The following PCDH15 variants were observed in gnomAD, a reference collection of about 807,000 sequenced individuals.
PCDH15 encodes the protein protocadherin related 15.
Under a neutral mutation model 178.5 loss-of-function variants are expected in PCDH15, and 129 were observed. The observed-to-expected ratio is 0.72, with a 90% CI of 0.63 to 0.84. The LOEUF (loss-of-function observed/expected upper bound fraction) is 0.84. Ranked by LOEUF, PCDH15 falls within the 40% of genes least tolerant of loss-of-function variation. The pLI is 0.00. For synonymous variants in PCDH15, 800 were observed against 732.0 expected, an observed-to-expected ratio of 1.09 and a Z score of -1.50; for missense variants, 2,230 against 2,099.9, an observed-to-expected ratio of 1.06 and a Z score of -1.21.
At chr10:53,998,152 T>C (rs944523381) in intron 20 of PCDH15, among the ~76,000 whole-genome samples, 5 of 152,182 alleles carry the variant, frequency 3.3e-5, no homozygotes, top group African/African-American at 1.2e-4. Context: ...ATTATTCCAC[T>C]AGAGGGTAGT....
At chr10:55,298,432 T>G (rs1843190227) in intron 1 of PCDH15, among the ~76,000 whole-genome samples, 1 of 152,148 alleles carries the variant, frequency 6.6e-6, no homozygotes, top group South Asian at 2.1e-4. Context: ...ATTTCACAGA[T>G]TCTGAGCATG....
chr10:54,636,274 T>C (rs2093850888), intron 2 of PCDH15, among the ~76,000 whole-genome samples: 5 of 151,856 alleles, frequency 3.3e-5, no homozygotes. Flanking sequence ...ATATTAAAAA[T>C]TTGCTTAAAC....
At chr10:54,734,105 C>CA (rs1313693708) in intron 1 of PCDH15, among the ~76,000 whole-genome samples, 4 of 151,178 alleles carry the variant, frequency 2.6e-5, no homozygotes, top group Admixed American at 1.3e-4. Context: ...AATGCTCTGC[C>CA]AAAAAACATA....
intron 1 of PCDH15, among the ~76,000 whole-genome samples, chr10:55,264,829 G>GGCA (rs1413218121): frequency 6.6e-6 from 1 of 152,080 alleles, no homozygotes; most frequent in Non-Finnish European, 1.5e-5. Flanking sequence ...GAGACCCTTT[G>GGCA]GCAGCTGGAA....
chr10:54,347,619 G>A (rs1943514097), intron 5 of PCDH15, among the ~76,000 whole-genome samples: 1 of 151,916 alleles, frequency 6.6e-6, no homozygotes, highest in Non-Finnish European at 1.5e-5. Context: ...ATTTTACAAG[G>A]ATCCCTCAGG....
At position 54,421,686 on chromosome 10, in the gene PCDH15, A is replaced by G. The variant is rs1362093228; in HGVS notation, c.158-42744T>C. 9.2e-3 allele frequency among the ~76,000 whole-genome samples: 1,068 copies of G among 116,162 alleles called. 56 individuals carry two copies. The highest frequency in any genetic ancestry group is 0.036 in the African/African-American group (959 of 26,648). 76.2% of individuals were successfully genotyped at this position (116,162 alleles called of 152,430 possible). On this transcript the variant is annotated intron_variant, in intron 3 of 37. Coordinates refer to ENST00000644397, the MANE Select transcript of PCDH15 (RefSeq NM_001384140.1). ...TGTATATATACATATATATATATAT[A>G]TATATATACACACACACACACACAC...
At chr10:53,910,394 C>T (rs1206906314) in intron 25 of PCDH15, among the ~76,000 whole-genome samples, 1 of 152,176 alleles carries the variant, frequency 6.6e-6, no homozygotes, top group Non-Finnish European at 1.5e-5. Flanking sequence ...CTCCAGCAAA[C>T]TCCAACAGAC....
intron 1 of PCDH15, among the ~76,000 whole-genome samples, chr10:54,713,655 A>C (rs984651116): frequency 3.9e-5 from 6 of 152,110 alleles, no homozygotes; most frequent in Admixed American, 3.3e-4. Flanking sequence ...CTTCATGACG[A>C]AACACTTAAA....
chr10:55,289,052 A>T (rs1350722960), intron 1 of PCDH15, among the ~76,000 whole-genome samples: 2 of 152,078 alleles, frequency 1.3e-5, no homozygotes, highest in South Asian at 2.1e-4. Flanking sequence ...AACATAAAAC[A>T]TAAAGTACCA....
intron 26 of PCDH15, among the ~76,000 whole-genome samples, chr10:53,874,199 T>C (rs987873996): frequency 2.0e-5 from 3 of 152,060 alleles, no homozygotes; most frequent in East Asian, 1.9e-4. Flanking sequence ...GCTCAGACAA[T>C]AGGAGGCAAG....
chr10:55,015,164 G>T (rs1280012897), intron 2 of PCDH15, among the ~76,000 whole-genome samples: 1 of 151,964 alleles, frequency 6.6e-6, no homozygotes, highest in Admixed American at 6.6e-5. Context: ...GGGAGGCTGA[G>T]GTTGCAGTGA....
chr10:54,664,156 C>A lies in PCDH15; in HGVS notation c.91+16G>T, dbSNP rs758240974. The A allele has an allele frequency of 2.5e-6, 4 of 1,603,646 alleles. No homozygotes were observed. In the African/African-American group the frequency reaches 5.4e-5, roughly 21 times the overall value. Reference sequence around the variant, plus strand: ...ATCCTGGCTCGCTCTAAAGGTCAAGCTAAAAGCAACCTTACCATCATCATA... The same window carrying A: ...ATCCTGGCTCGCTCTAAAGGTCAAGATAAAAGCAACCTTACCATCATCATA... On this transcript the variant is annotated intron_variant, in intron 2 of 37. Transcript: ENST00000644397.
intron 3 of PCDH15, among the ~76,000 whole-genome samples, chr10:54,860,196 A>G (rs1450474710): frequency 6.6e-6 from 1 of 152,090 alleles, no homozygotes; most frequent in Non-Finnish European, 1.5e-5. Flanking sequence ...GATTTGTTTC[A>G]TGGGTGTATT....
At chr10:54,908,898 A>G (rs1242063195) in intron 2 of PCDH15, among the ~76,000 whole-genome samples, 1 of 151,854 alleles carries the variant, frequency 6.6e-6, no homozygotes, top group African/African-American at 2.4e-5. Context: ...GGTCATCCCG[A>G]TGAATGCTCA....
intron 17 of PCDH15, among the ~76,000 whole-genome samples, chr10:54,071,283 T>C (rs1242912978): frequency 6.6e-6 from 1 of 152,172 alleles, no homozygotes; most frequent in Non-Finnish European, 1.5e-5. Context: ...TGTTTAGCTA[T>C]GTAAGAAAAC....
chr10:54,376,121 C>T (rs1948390240), intron 4 of PCDH15, among the ~76,000 whole-genome samples: 2 of 151,308 alleles, frequency 1.3e-5, no homozygotes, highest in South Asian at 4.1e-4. Context: ...TCTTGAACTC[C>T]TGACCTCAAG....
At chr10:55,317,377 A>T (rs554326755) in intron 1 of PCDH15, among the ~76,000 whole-genome samples, 1 of 152,290 alleles carries the variant, frequency 6.6e-6, no homozygotes, top group East Asian at 1.9e-4. Flanking sequence ...CCTTATAGGC[A>T]GTTTTCCCCT....
chr10:54,326,624 G>A (rs1459662346), intron 7 of PCDH15, among the ~76,000 whole-genome samples: 1 of 151,988 alleles, frequency 6.6e-6, no homozygotes, highest in Non-Finnish European at 1.5e-5. Flanking sequence ...AACATACAAA[G>A]CATGCCCCAA....
chr10:55,306,498 T>C (rs1843430581), intron 1 of PCDH15, among the ~76,000 whole-genome samples: 1 of 152,136 alleles, frequency 6.6e-6, no homozygotes, highest in African/African-American at 2.4e-5. Context: ...TAAAAAAATA[T>C]ATTCTGAAAA....
Sources: allele counts gnomAD v4.1 joint callset (sites outside exome capture counted in the v4.1 genomes callset), GRCh38; gene constraint gnomAD v4.1.1; transcripts MANE v1.5; gene names NCBI Gene and HGNC (gene_info 2026-07-23, HGNC 2026-07-21).